Variants in CDV3 observed in about 807,000 individuals in gnomAD.
CDV3 encodes the protein protein CDV3 homolog.
In CDV3, 14 loss-of-function variants were observed where a neutral mutation model predicts 24.5. The ratio of observed to expected loss-of-function variants is 0.57; its 90% CI spans 0.38 to 0.89. The LOEUF is 0.89. Ranked by LOEUF, CDV3 falls within the 40% of genes least tolerant of loss-of-function variation. The pLI, the probability that CDV3 is intolerant of heterozygous loss-of-function variation, is 0.00. For missense variants in CDV3, 304 were observed against 310.2 expected (o/e 0.98, Z 0.15); for synonymous variants, 114 against 114.1 (o/e 1.00, Z 0.00).
chr3:133,589,257 A>T lies in CDV3; in HGVS notation c.*1211A>T, dbSNP rs1933901008. 6.6e-6 allele frequency: 1 copy of T among 152,610 alleles called. No individual in the cohort carries two copies. The highest frequency in any genetic ancestry group is 1.5e-5 in the Non-Finnish European group (1 of 68,044). The allele number at this position is 152,610 out of a possible 1,614,324, so 9.5% of individuals were successfully genotyped here. On this transcript the variant is annotated 3_prime_UTR_variant, in exon 5 of 5. Coordinates refer to ENST00000264993, the MANE Select transcript of CDV3 (RefSeq NM_017548.5). ...GTACTTGTGCCTAGTTTTTCAAGGT[A>T]TTGGCTGTTCTATAGATGCAGTGAT...
At position 133,586,734 on chromosome 3, in the gene CDV3, A is replaced by C; in HGVS notation, c.626+12A>C. The C allele has an allele frequency of 6.5e-7, 1 of 1,543,070 alleles. No individual in the cohort carries two copies. Among genetic ancestry groups the C allele is most frequent in the Non-Finnish European group, 9.0e-7 (1 of 1,115,490 alleles). ...GTAGAAAGCCGGAAGTAAGTACTAT[A>C]ATTAATTGCATTTTGTTTGGGACTT... On this transcript the variant is annotated intron_variant, in intron 4 of 4. Coordinates refer to ENST00000264993, the MANE Select transcript of CDV3 (RefSeq NM_017548.5).
intron 2 of CDV3, 52 bp downstream of exon 2, chr3:133,575,167 T>C (rs377437648): frequency 3.0e-6 from 3 of 987,330 alleles, no homozygotes; most frequent in African/African-American, 1.6e-5. Context: ...AGATATTGGA[T>C]ACAAGTTAGG....
rs1277185719 is a variant in CDV3, at chr3:133,590,145, C to G, written c.*2099C>G. On this transcript the variant is annotated 3_prime_UTR_variant, in exon 5 of 5. Transcript: ENST00000264993. ...TATAAATGAATCAAGTTTTAATATA[C>G]TGTATGATGGGTGGATGAGGCTGTC... The G allele has an allele frequency of 6.6e-6, 1 of 152,104 alleles. No individual in the cohort carries two copies. Among genetic ancestry groups the G allele is most frequent in the Non-Finnish European group, 1.5e-5 (1 of 68,024 alleles). 9.4% of individuals were successfully genotyped at this position (152,104 alleles called of 1,614,324 possible).
Position 133,588,128 on chromosome 3 carries a change from T to C in CDV3, c.*82T>C. ...CAGCCATTCATCATCTGATCTCTGC[T>C]GGATCTACAGACACCGATGCAGACC... is the stretch of plus-strand genomic sequence containing the variant. On this transcript the variant is annotated 3_prime_UTR_variant, in exon 5 of 5. Transcript: ENST00000264993. 6.4e-7 allele frequency: 1 copy of C among 1,574,732 alleles called. No individual in the cohort carries two copies. Among genetic ancestry groups the C allele is most frequent in the East Asian group, 2.2e-5 (1 of 44,568 alleles).
chr3:133,587,907 T>C lies in CDV3; in HGVS notation c.638T>C (p.Met213Thr). 1.2e-6 allele frequency: 2 copies of C among 1,606,904 alleles called. No individual in the cohort carries two copies. The highest frequency in any genetic ancestry group is 1.3e-5 in the African/African-American group (1 of 74,456). Residue 213 changes from methionine to threonine, a missense_variant, in exon 5 of 5, where the codon ATG becomes ACG. By Grantham distance (81) the Met-to-Thr change is moderately conservative. Transcript: ENST00000264993. ...TTCTTTTCCCTTAGGGATAAAGAAA[T>C]GGAGAAGAGCTTTGAAGTAGTAAGA... is the stretch of plus-strand genomic sequence containing the variant. The part of the protein sequence containing the change: ...KHVESRKDKE[M>T]EKSFEVVRHK...
chr3:133,574,996 T>A (rs1338922495), intron 1 of CDV3, 43 bp from the exon 2 acceptor site: 3 of 1,207,524 alleles, frequency 2.5e-6, no homozygotes, highest in Non-Finnish European at 3.7e-6. Context: ...TAGTTATATG[T>A]CTACAAATAG....
chr3:133,583,951 T>C, intron 2 of CDV3, 51 bp from the exon 3 acceptor site: 1 of 1,416,136 alleles, frequency 7.1e-7, no homozygotes, highest in Non-Finnish European at 9.8e-7. Flanking sequence ...CGATTTGGAC[T>C]GAAAATTTTC....
chr3:133,579,922 CAT>C (rs990038833), intron 2 of CDV3, among the ~76,000 whole-genome samples: 1 of 152,128 alleles, frequency 6.6e-6, no homozygotes, highest in African/African-American at 2.4e-5. Flanking sequence ...ACAATTTCCA[CAT>C]GTTTAGTTTA....
At chr3:133,581,100 AGGCTG>A (rs1285416042) in intron 2 of CDV3, among the ~76,000 whole-genome samples, 1 of 151,896 alleles carries the variant, frequency 6.6e-6, no homozygotes, top group African/African-American at 2.4e-5. Context: ...GCTTTCTGTG[AGGCTG>A]GGCGTGGTGG....
intron 3 of CDV3, among the ~76,000 whole-genome samples, chr3:133,585,227 T>A (rs1279158094): frequency 1.3e-5 from 2 of 152,058 alleles, no homozygotes; most frequent in African/African-American, 4.8e-5. Flanking sequence ...ATTGTAGAGA[T>A]GAGATCTTAA....
intron 1 of CDV3, 156 bp downstream of exon 1, chr3:133,574,440 G>A (rs1396932629): frequency 1.2e-5 from 12 of 985,852 alleles, no homozygotes; most frequent in Non-Finnish European, 1.4e-5. Context: ...CCTCGGGCTG[G>A]GCTCGCCAGG....
intron 3 of CDV3, among the ~76,000 whole-genome samples, chr3:133,585,128 C>T (rs1465256721): frequency 6.6e-6 from 1 of 152,026 alleles, no homozygotes; most frequent in African/African-American, 2.4e-5. Flanking sequence ...AATCATGGCT[C>T]ATTGCAGCCC....
intron 2 of CDV3, among the ~76,000 whole-genome samples, chr3:133,576,341 T>C (rs13088006): frequency 0.36 from 54,891 of 151,910 alleles, 13,570 homozygotes; most frequent in African/African-American, 0.7. Context: ...AATGTGTCTT[T>C]CTCTTTTCTG....
chr3:133,579,563 A>T (rs118138348), intron 2 of CDV3, among the ~76,000 whole-genome samples: 1 of 151,752 alleles, frequency 6.6e-6, no homozygotes, highest in East Asian at 1.9e-4. Flanking sequence ...AATTCCTTCA[A>T]TTGTTGGATG....
chr3:133,587,435 C>T, intron 4 of CDV3: 9 of 1,166,286 alleles, frequency 7.7e-6, no homozygotes, highest in East Asian at 3.9e-5. Context: ...CAGTGATTCA[C>T]CACACTCGAG....
chr3:133,587,260 A>G, intron 4 of CDV3: 1 of 1,287,678 alleles, frequency 7.8e-7, no homozygotes, highest in Non-Finnish European at 9.9e-7. Flanking sequence ...TAAAATGGGA[A>G]GAAATGTAAA....
chr3:133,576,753 A>G (rs1267480929), intron 2 of CDV3, among the ~76,000 whole-genome samples: 2 of 151,652 alleles, frequency 1.3e-5, no homozygotes, highest in Admixed American at 1.3e-4. Context: ...TGTCTTAAAT[A>G]ACTTACATAC....
In CDV3 at chr3:133,588,117, C is replaced by A; in HGVS notation, c.*71C>A. ...ACCACCACCAACAGCCATTCATCAT[C>A]TGATCTCTGCTGGATCTACAGACAC... On this transcript the variant is annotated 3_prime_UTR_variant, in exon 5 of 5. Coordinates refer to ENST00000264993, the MANE Select transcript of CDV3 (RefSeq NM_017548.5). The A allele has an allele frequency of 6.3e-7, 1 of 1,579,020 alleles. No individual in the cohort carries two copies. The highest frequency in any genetic ancestry group is 1.2e-5 in the South Asian group (1 of 84,788).
chr3:133,580,914 T>C (rs1235985613), intron 2 of CDV3, among the ~76,000 whole-genome samples: 1 of 152,220 alleles, frequency 6.6e-6, no homozygotes, highest in Non-Finnish European at 1.5e-5. Context: ...AAACAGATTA[T>C]GCTTATTTTT....
Sources: gnomAD v4.1 joint callset for allele counts (sites outside exome capture counted in the v4.1 genomes callset) on GRCh38, gnomAD v4.1.1 for gene constraint, MANE v1.5 for transcripts, NCBI Gene and HGNC (gene_info 2026-07-23, HGNC 2026-07-21) for gene names.